Variants in KATNBL1 observed in about 807,000 individuals in gnomAD.
The protein encoded by KATNBL1 is KATNB1-like protein 1.
Under a neutral mutation model 44.7 loss-of-function variants are expected in KATNBL1, and 28 were observed. The observed-to-expected ratio is 0.63, with a 90% CI of 0.46 to 0.86. The LOEUF (loss-of-function observed/expected upper bound fraction) is 0.86. KATNBL1 is among the 40% of genes least tolerant of loss of function. The pLI, the probability that KATNBL1 is intolerant of heterozygous loss-of-function variation, is 0.00. For synonymous variants in KATNBL1, 78 were observed against 114.9 expected, an observed-to-expected ratio of 0.68 and a Z score of 2.06; for missense variants, 272 against 350.7, an observed-to-expected ratio of 0.78 and a Z score of 1.79.
intron 9 of KATNBL1, among the ~76,000 whole-genome samples, chr15:34,143,318 T>C (rs1189747392): frequency 6.6e-6 from 1 of 151,604 alleles, no homozygotes; most frequent in East Asian, 2.0e-4. Flanking sequence ...CCACTAAAAA[T>C]ACAAAAATTA....
rs1394621939 is a variant in KATNBL1, at chr15:34,172,999, A to C, written c.-14-9309T>G. ...TGCATCTATAAAACAAAAATGGGAC[A>C]AAAAACCCAACAAAAATACTCTTAA... On this transcript the variant is annotated intron_variant, in intron 1 of 9. Transcript: ENST00000256544. 3.9e-5 allele frequency among the ~76,000 whole-genome samples: 6 copies of C among 152,176 alleles called. No individual in the cohort carries two copies. In the East Asian group the frequency reaches 9.6e-4, roughly 24 times the overall value.
At chr15:34,149,428 C>CT (rs574775758) in intron 4 of KATNBL1, among the ~76,000 whole-genome samples, 116 of 145,064 alleles carry the variant, frequency 8.0e-4, no homozygotes, top group African/African-American at 1.3e-3. Flanking sequence ...ACAGATCAAG[C>CT]TTTTTTTTTT....
At chr15:34,183,401 C>G (rs369265101) in intron 1 of KATNBL1, among the ~76,000 whole-genome samples, 1 of 152,176 alleles carries the variant, frequency 6.6e-6, no homozygotes, top group Non-Finnish European at 1.5e-5. Flanking sequence ...TCACAACTTA[C>G]AATCTGGGTA....
intron 9 of KATNBL1, among the ~76,000 whole-genome samples, chr15:34,143,884 G>A (rs1447565757): frequency 2.8e-5 from 4 of 142,164 alleles, no homozygotes; most frequent in Non-Finnish European, 4.5e-5. Flanking sequence ...GGAGAATGGC[G>A]TGAACCTGGG....
rs771290968 is a variant in KATNBL1, at chr15:34,145,523, A to C, written c.789-32T>G. ...GAAAAAAAAGGAAGAAAAATGAGAA[A>C]GCAAATACATTAAGATACAAACTTT... On this transcript the variant is annotated intron_variant, in intron 8 of 9. Transcript: ENST00000256544. The C allele has an allele frequency of 8.6e-6, 12 of 1,392,540 alleles. No homozygotes were observed. The South Asian group carries it at 1.9e-4, about 22-fold the overall frequency. The allele number at this position is 1,392,540 out of a possible 1,614,324, so 86.3% of individuals were successfully genotyped here.
chr15:34,160,386 C>T (rs908673971), intron 2 of KATNBL1, among the ~76,000 whole-genome samples: 13 of 152,262 alleles, frequency 8.5e-5, no homozygotes, highest in African/African-American at 2.9e-4. Flanking sequence ...ATAGATCTGC[C>T]TTCCCAGTTC....
chr15:34,172,853 A>G (rs984613559), intron 1 of KATNBL1, among the ~76,000 whole-genome samples: 1 of 152,088 alleles, frequency 6.6e-6, no homozygotes, highest in African/African-American at 2.4e-5. Context: ...ACTGTATGTC[A>G]ACTAAGGTGG....
At chr15:34,203,692 A>G (rs957697119) in intron 1 of KATNBL1, among the ~76,000 whole-genome samples, 3 of 152,086 alleles carry the variant, frequency 2.0e-5, no homozygotes, top group South Asian at 2.1e-4. Context: ...TCTGGTATCT[A>G]TTTTTTCTTT....
At chr15:34,160,907 C>T (rs893043009) in intron 2 of KATNBL1, among the ~76,000 whole-genome samples, 4 of 152,130 alleles carry the variant, frequency 2.6e-5, no homozygotes, top group African/African-American at 9.7e-5. Flanking sequence ...TCATGCCTTC[C>T]TTTCCTAGAG....
chr15:34,151,599 G>A (rs1482493156), intron 4 of KATNBL1, among the ~76,000 whole-genome samples: 1 of 151,300 alleles, frequency 6.6e-6, no homozygotes, highest in Admixed American at 6.6e-5. Context: ...TTACAGGCGT[G>A]CACCACCACG....
At chr15:34,193,074 G>T (rs971530382) in intron 1 of KATNBL1, among the ~76,000 whole-genome samples, 3 of 151,748 alleles carry the variant, frequency 2.0e-5, no homozygotes, top group African/African-American at 7.3e-5. Flanking sequence ...AAAATTAGCC[G>T]GGCGTAGTGG....
intron 1 of KATNBL1, among the ~76,000 whole-genome samples, chr15:34,167,490 C>T (rs549191026): frequency 1.3e-5 from 2 of 152,044 alleles, no homozygotes; most frequent in Admixed American, 6.6e-5. Flanking sequence ...CTGAAAGTGA[C>T]GGGGAGAATG....
intron 1 of KATNBL1, among the ~76,000 whole-genome samples, chr15:34,165,606 G>A (rs1042240112): frequency 5.3e-5 from 8 of 152,150 alleles, no homozygotes; most frequent in Admixed American, 5.2e-4. Context: ...AGACTAGCCT[G>A]TCAAACATGG....
At chr15:34,169,937 C>T (rs1233454519) in intron 1 of KATNBL1, among the ~76,000 whole-genome samples, 1 of 152,144 alleles carries the variant, frequency 6.6e-6, no homozygotes, top group Non-Finnish European at 1.5e-5. Flanking sequence ...AGAATCATAT[C>T]TCAAAATAAT....
chr15:34,208,355 C>A (rs1317473183), intron 1 of KATNBL1, among the ~76,000 whole-genome samples: 1 of 152,158 alleles, frequency 6.6e-6, no homozygotes, highest in Non-Finnish European at 1.5e-5. Context: ...TACAGGCAAT[C>A]GAAAGCTTTG....
chr15:34,143,109 T>A (rs1321884146), intron 9 of KATNBL1: 2 of 828,682 alleles, frequency 2.4e-6, no homozygotes, highest in Non-Finnish European at 3.4e-6. Context: ...GAACTTTTAA[T>A]CACTCAATAT....
At chr15:34,177,761 C>T (rs1347837479) in intron 1 of KATNBL1, 2 of 152,018 alleles carry the variant, frequency 1.3e-5, no homozygotes, top group Non-Finnish European at 2.9e-5. Context: ...TAAGTTATAG[C>T]TCAAGATCAA....
At chr15:34,183,047 G>A (rs1224267948) in intron 1 of KATNBL1, among the ~76,000 whole-genome samples, 1 of 152,228 alleles carries the variant, frequency 6.6e-6, no homozygotes, top group Non-Finnish European at 1.5e-5. Context: ...TGACAGAGCT[G>A]AGAAATATGG....
At chr15:34,177,162 A>G (rs1284842149) in intron 1 of KATNBL1, among the ~76,000 whole-genome samples, 1 of 152,250 alleles carries the variant, frequency 6.6e-6, no homozygotes, top group Non-Finnish European at 1.5e-5. Context: ...GATATAGTGC[A>G]TATTTTCTTA....
Sources: gnomAD v4.1 joint callset for allele counts (sites outside exome capture counted in the v4.1 genomes callset) on GRCh38, gnomAD v4.1.1 for gene constraint, MANE v1.5 for transcripts, NCBI Gene and HGNC (gene_info 2026-07-23, HGNC 2026-07-21) for gene names.